LHFPL4: variants seen among roughly 807,000 people sequenced by gnomAD.
The protein encoded by LHFPL4 is LHFPL tetraspan subfamily member 4 protein.
LHFPL4 carries 6 observed loss-of-function variants against 20.0 expected under a neutral mutation model. That is an observed-to-expected ratio of 0.30 (90% CI 0.16 to 0.59). The LOEUF is 0.59. LHFPL4 is among the 20% of genes least tolerant of loss of function. The probability of loss-of-function intolerance (pLI) is 0.88; values close to 1 mark genes in which losing one functional copy is unlikely to be tolerated. For missense variants in LHFPL4, 215 were observed against 331.2 expected (o/e 0.65, Z 2.72); for synonymous variants, 129 against 143.8 (o/e 0.90, Z 0.74).
intron 2 of LHFPL4, among the ~76,000 whole-genome samples, chr3:9,548,208 G>A (rs542644405): frequency 2.0e-4 from 30 of 152,152 alleles, no homozygotes; most frequent in Non-Finnish European, 4.1e-4. Flanking sequence ...TTGAAGCTCA[G>A]CTTGATCTCA....
intron 2 of LHFPL4, among the ~76,000 whole-genome samples, chr3:9,544,792 C>T (rs2046501425): frequency 6.6e-6 from 1 of 152,190 alleles, no homozygotes; most frequent in Admixed American, 6.5e-5. Flanking sequence ...ACCTCCATGC[C>T]TGTGATCATC....
At chr3:9,513,251 C>T (rs954287695) in intron 2 of LHFPL4, among the ~76,000 whole-genome samples, 3 of 152,184 alleles carry the variant, frequency 2.0e-5, no homozygotes, top group African/African-American at 7.2e-5. Context: ...TGAGCCACCG[C>T]GCCCGGCCTG....
rs561939023 is a variant in LHFPL4 at position 9,548,118 on chromosome 3, T to A, written c.406+4156A>T. 5.3e-5 allele frequency among the ~76,000 whole-genome samples: 8 copies of A among 152,222 alleles called. No homozygotes were observed. In the East Asian group the frequency reaches 1.5e-3, roughly 29 times the overall value. On this transcript the variant is annotated intron_variant, in intron 2 of 3. Transcript: ENST00000287585. ...ACCGAGCCTGGCTGATCTCCGGTTTTAGAGTCAGACATATGGAGTTACAAT... is the reference window on the plus strand; with the variant it reads ...ACCGAGCCTGGCTGATCTCCGGTTTAAGAGTCAGACATATGGAGTTACAAT...
chr3:9,515,864 G>A (rs532155694), intron 2 of LHFPL4, among the ~76,000 whole-genome samples: 1 of 151,326 alleles, frequency 6.6e-6, no homozygotes, highest in East Asian at 2.0e-4. Flanking sequence ...ACAGGCACAT[G>A]CCACCAGACC....
intron 3 of LHFPL4, 106 bp downstream of exon 3, chr3:9,505,861 G>A: frequency 1.8e-6 from 2 of 1,108,408 alleles, no homozygotes; most frequent in Non-Finnish European, 2.7e-6. Flanking sequence ...GCCCAGCCAG[G>A]GTTTCCAATT....
intron 2 of LHFPL4, among the ~76,000 whole-genome samples, chr3:9,542,115 A>G (rs1400215322): frequency 1.3e-5 from 2 of 150,828 alleles, no homozygotes; most frequent in Non-Finnish European, 3.0e-5. Flanking sequence ...GTGAAACCCC[A>G]TCTCTACTAA....
At chr3:9,547,946 C>T (rs1177645529) in intron 2 of LHFPL4, among the ~76,000 whole-genome samples, 1 of 152,210 alleles carries the variant, frequency 6.6e-6, no homozygotes, top group Admixed American at 6.5e-5. Context: ...GCTGGGACTA[C>T]AGGCACATGC....
intron 2 of LHFPL4, among the ~76,000 whole-genome samples, chr3:9,536,966 G>C (rs558167164): frequency 6.6e-6 from 1 of 151,692 alleles, no homozygotes; most frequent in Non-Finnish European, 1.5e-5. Flanking sequence ...CGCGCCTGCA[G>C]TCCCAGCTAC....
intron 2 of LHFPL4, among the ~76,000 whole-genome samples, chr3:9,521,316 T>C (rs533408836): frequency 2.7e-4 from 41 of 151,498 alleles, no homozygotes; most frequent in Admixed American, 8.6e-4. Flanking sequence ...CCTTGACTTC[T>C]TGGGGTCAAG....
At chr3:9,552,200 A>T in intron 2 of LHFPL4, 74 bp downstream of exon 2, 1 of 1,519,306 alleles carries the variant, frequency 6.6e-7, no homozygotes, top group African/African-American at 1.4e-5. Context: ...CGACTCCTTC[A>T]GGAAGGGGAC....
At chr3:9,504,824 CA>C (rs35221511) in intron 3 of LHFPL4, among the ~76,000 whole-genome samples, 33 of 144,990 alleles carry the variant, frequency 2.3e-4, no homozygotes, top group Admixed American at 2.1e-4. Context: ...GACTCCATCT[CA>C]AAAAAAAAAA....
intron 2 of LHFPL4, among the ~76,000 whole-genome samples, chr3:9,534,684 G>C (rs985768349): frequency 6.6e-6 from 1 of 152,136 alleles, no homozygotes; most frequent in African/African-American, 2.4e-5. Flanking sequence ...GGTGGGGTTT[G>C]ACTGCTAGTA....
intron 2 of LHFPL4, among the ~76,000 whole-genome samples, chr3:9,531,366 A>G (rs2046407359): frequency 6.6e-6 from 1 of 152,232 alleles, no homozygotes; most frequent in South Asian, 2.1e-4. Context: ...AAAGCAAAGC[A>G]CAATAAAACG....
chr3:9,509,162 G>T (rs1307037174), intron 2 of LHFPL4, among the ~76,000 whole-genome samples: 2 of 151,976 alleles, frequency 1.3e-5, no homozygotes, highest in African/African-American at 4.8e-5. Flanking sequence ...CCGCCTGCAC[G>T]TTTTTTCTGC....
At chr3:9,533,017 C>T (rs1041024910) in intron 2 of LHFPL4, among the ~76,000 whole-genome samples, 1 of 152,202 alleles carries the variant, frequency 6.6e-6, no homozygotes. Context: ...TTCACCTGCC[C>T]ACCCCACGCC....
rs767997917 is a variant in LHFPL4, at chr3:9,552,394, C to A, written c.286G>T (p.Ala96Ser). The change falls in exon 2 of 4, where the codon GCC becomes TCC. Residue 96 changes from alanine (A) to serine (S), a missense_variant. Coordinates refer to ENST00000287585, the MANE Select transcript of LHFPL4 (RefSeq NM_198560.3). The part of the protein sequence containing the change: ...TIPSSAFKAA[A>S]FFVLLSMVLI... The stretch of plus-strand genomic sequence containing the variant: ...ACCATGGAGAGCAGCACGAAGAAGG[C>A]GGCCGCCTTGAAGGCGCTGGACGGG... The A allele has an allele frequency of 6.2e-7, 1 of 1,613,918 alleles. No homozygotes were observed. Among genetic ancestry groups the A allele is most frequent in the South Asian group, 1.1e-5 (1 of 91,084 alleles).
chr3:9,544,518 G>A (rs1242368015), intron 2 of LHFPL4, among the ~76,000 whole-genome samples: 1 of 152,014 alleles, frequency 6.6e-6, no homozygotes, highest in Non-Finnish European at 1.5e-5. Flanking sequence ...CCAGCTACTC[G>A]GGAGGCTGAA....
chr3:9,534,473 A>C lies in LHFPL4; in HGVS notation c.406+17801T>G, dbSNP rs548756272. 1.8e-4 allele frequency among the ~76,000 whole-genome samples: 28 copies of C among 152,340 alleles called. No homozygotes were observed. The South Asian group carries it at 5.8e-3, about 32-fold the overall frequency. On this transcript the variant is annotated intron_variant, in intron 2 of 3. Transcript: ENST00000287585. ...CACAATGTTCCCATTGCAAAGAGGCAGGAAATCATATGTATGTGGGGGTAT... is the reference window on the plus strand; with the variant it reads ...CACAATGTTCCCATTGCAAAGAGGCCGGAAATCATATGTATGTGGGGGTAT...
intron 2 of LHFPL4, among the ~76,000 whole-genome samples, chr3:9,516,943 C>G (rs1174109787): frequency 6.6e-6 from 1 of 151,692 alleles, no homozygotes; most frequent in Non-Finnish European, 1.5e-5. Flanking sequence ...CCACGCCGGG[C>G]TGATTTTTTA....
Sources: allele counts gnomAD v4.1 joint callset (sites outside exome capture counted in the v4.1 genomes callset), GRCh38; gene constraint gnomAD v4.1.1; transcripts MANE v1.5; gene names NCBI Gene and HGNC (gene_info 2026-07-23, HGNC 2026-07-21).